The following FTO variants were observed in gnomAD, a reference collection of about 807,000 sequenced individuals.
FTO encodes alpha-ketoglutarate-dependent dioxygenase FTO.
FTO carries 47 observed loss-of-function variants against 63.9 expected under a neutral mutation model. That is an observed-to-expected ratio of 0.74 (90% CI 0.58 to 0.94). The LOEUF (loss-of-function observed/expected upper bound fraction) is 0.94. Among genes scored for constraint, FTO ranks in the 40% least tolerant of loss-of-function variants. The pLI, the probability that FTO is intolerant of heterozygous loss-of-function variation, is 0.00. For missense variants in FTO, 562 were observed against 618.1 expected (o/e 0.91, Z 0.96); for synonymous variants, 207 against 224.4 (o/e 0.92, Z 0.69).
intron 8 of FTO, among the ~76,000 whole-genome samples, chr16:54,042,349 C>T (rs1338903303): frequency 1.6e-5 from 2 of 122,372 alleles, no homozygotes; most frequent in South Asian, 3.3e-4. Flanking sequence ...GGGTGACGGA[C>T]GCACCTGGAA....
At chr16:53,837,863 C>T (rs2079347425) in intron 3 of FTO, among the ~76,000 whole-genome samples, 1 of 152,144 alleles carries the variant, frequency 6.6e-6, no homozygotes, top group African/African-American at 2.4e-5. Flanking sequence ...GTGAAAAAGG[C>T]TTTAGTGTCT....
At chr16:53,903,488 A>G (rs967949041) in intron 7 of FTO, among the ~76,000 whole-genome samples, 2 of 152,004 alleles carry the variant, frequency 1.3e-5, no homozygotes, top group Non-Finnish European at 2.9e-5. Context: ...CAAACTCCTG[A>G]CCTCAAGTGA....
At chr16:54,047,051 G>C (rs1343891111) in intron 8 of FTO, among the ~76,000 whole-genome samples, 1 of 147,492 alleles carries the variant, frequency 6.8e-6, no homozygotes, top group African/African-American at 2.5e-5. Flanking sequence ...ATAGGCGTAG[G>C]CAAGGACTTC....
chr16:53,720,309 C>G lies in FTO; in HGVS notation c.45+16080C>G, dbSNP rs569170598. On this transcript the variant is annotated intron_variant, in intron 1 of 8. Transcript: ENST00000471389. ...TTCCCTGCTTCATCTGAGATGTCAT[C>G]AATAAGATAATAAATGTAAAAGAAC... Among the ~76,000 whole-genome samples the G allele has an allele frequency of 1.1e-4, 16 of 152,154 alleles. No homozygotes were observed. The South Asian group carries it at 3.1e-3, about 30-fold the overall frequency.
At chr16:53,754,306 A>T (rs1179922412) in intron 1 of FTO, among the ~76,000 whole-genome samples, 4 of 152,350 alleles carry the variant, frequency 2.6e-5, no homozygotes, top group Non-Finnish European at 5.9e-5. Context: ...GGAATTTAGA[A>T]TTCCAGGTCC....
At position 53,777,615 on chromosome 16, in the gene FTO, A is replaced by C. The variant is rs192254325; in HGVS notation, c.46-32525A>C. Among the ~76,000 whole-genome samples, 171 of 152,306 alleles carry C rather than the reference A, an allele frequency of 1.1e-3. 1 individual carries two copies. The highest frequency in any genetic ancestry group is 2.0e-3 in the Non-Finnish European group (135 of 68,004). On this transcript the variant is annotated intron_variant, in intron 1 of 8. Coordinates refer to ENST00000471389, the MANE Select transcript of FTO (RefSeq NM_001080432.3). ...TCACTGAGTTATACAGATCTTCCAA[A>C]TGTTGATGCATTTCATTATACAGTG...
chr16:54,109,331 T>G (rs1196966884), intron 8 of FTO, among the ~76,000 whole-genome samples: 1 of 151,884 alleles, frequency 6.6e-6, no homozygotes, highest in African/African-American at 2.4e-5. Flanking sequence ...CTTTGTTTTT[T>G]TCTTCTTCTT....
intron 4 of FTO, among the ~76,000 whole-genome samples, chr16:53,853,236 C>T (rs117274198): frequency 0.059 from 9,031 of 152,106 alleles, 383 homozygotes; most frequent in Non-Finnish European, 0.098. Flanking sequence ...ACCTGTTAGG[C>T]GGTGGTTGCA....
intron 4 of FTO, among the ~76,000 whole-genome samples, chr16:53,865,652 G>A (rs907718036): frequency 1.3e-5 from 2 of 151,908 alleles, no homozygotes; most frequent in Admixed American, 6.6e-5. Flanking sequence ...TCTGCTTATC[G>A]TCTCCTCCCC....
intron 8 of FTO, among the ~76,000 whole-genome samples, chr16:54,048,924 T>G (rs1243912734): frequency 1.3e-5 from 2 of 152,228 alleles, no homozygotes; most frequent in Non-Finnish European, 1.5e-5. Flanking sequence ...ATCTGTAATG[T>G]GCACTGATGA....
Position 54,034,405 on chromosome 16 carries a change from C to T in FTO, c.1365-77357C>T, listed in dbSNP as rs923191928. On this transcript the variant is annotated intron_variant, in intron 8 of 8. Transcript: ENST00000471389. ...TGATGGAATATTTTTGCAAGAAAAA[C>T]GTACCTTAATTTGCCACCTTACAAG... Among the ~76,000 whole-genome samples, 8 of 152,152 alleles carry T rather than the reference C, an allele frequency of 5.3e-5. No individual in the cohort carries two copies. The East Asian group carries it at 9.6e-4, about 18-fold the overall frequency.
At chr16:54,082,563 A>G (rs1300443734) in intron 8 of FTO, among the ~76,000 whole-genome samples, 1 of 152,172 alleles carries the variant, frequency 6.6e-6, no homozygotes, top group Admixed American at 6.5e-5. Context: ...ATGTACTCTC[A>G]TAGACCTACA....
chr16:53,956,095 G>T (rs2082923976), intron 8 of FTO, among the ~76,000 whole-genome samples: 1 of 152,080 alleles, frequency 6.6e-6, no homozygotes, highest in African/African-American at 2.4e-5. Context: ...AAGGTGAGTG[G>T]TTTCATCCCC....
chr16:53,748,545 C>T (rs1228935384), intron 1 of FTO, among the ~76,000 whole-genome samples: 1 of 152,120 alleles, frequency 6.6e-6, no homozygotes, highest in Non-Finnish European at 1.5e-5. Flanking sequence ...GCTTCCACCT[C>T]CTAGGTTCAA....
intron 8 of FTO, among the ~76,000 whole-genome samples, chr16:54,104,674 T>C (rs1489536803): frequency 6.6e-6 from 1 of 152,214 alleles, no homozygotes; most frequent in Non-Finnish European, 1.5e-5. Context: ...TGCATTATCA[T>C]GTAGCTGATG....
chr16:53,759,725 A>C (rs1167628267), intron 1 of FTO, among the ~76,000 whole-genome samples: 2 of 151,426 alleles, frequency 1.3e-5, no homozygotes, highest in African/African-American at 4.9e-5. Context: ...AAGAAAAAAG[A>C]AATAATACAG....
intron 8 of FTO, among the ~76,000 whole-genome samples, chr16:53,957,539 T>G (rs185998086): frequency 6.6e-6 from 1 of 152,320 alleles, no homozygotes; most frequent in East Asian, 1.9e-4. Flanking sequence ...GGCATTGTAT[T>G]TGAATATTAT....
At chr16:53,767,838 C>G (rs1168603733) in intron 1 of FTO, among the ~76,000 whole-genome samples, 1 of 152,136 alleles carries the variant, frequency 6.6e-6, no homozygotes, top group Non-Finnish European at 1.5e-5. Context: ...CAGAAATCAT[C>G]TAAAAATAAC....
intron 7 of FTO, among the ~76,000 whole-genome samples, chr16:53,904,534 T>C (rs1052228053): frequency 2.0e-5 from 3 of 152,184 alleles, no homozygotes; most frequent in African/African-American, 4.8e-5. Context: ...GGGTGATGGG[T>C]GCGGTTAGCG....
Sources: gnomAD v4.1 joint callset for allele counts (sites outside exome capture counted in the v4.1 genomes callset) on GRCh38, gnomAD v4.1.1 for gene constraint, MANE v1.5 for transcripts, NCBI Gene and HGNC (gene_info 2026-07-23, HGNC 2026-07-21) for gene names.